The following FREM2 variants were observed in gnomAD, a reference collection of about 807,000 sequenced individuals.
FREM2 encodes FRAS1 related extracellular matrix 2, also known as FRAS1-related extracellular matrix protein 2.
Under a neutral mutation model 219.9 loss-of-function variants are expected in FREM2, and 119 were observed. That is an observed-to-expected ratio of 0.54 (90% CI 0.47 to 0.63). The LOEUF is 0.63. Ranked by LOEUF, FREM2 falls within the 30% of genes least tolerant of loss-of-function variation. FREM2 has a pLI of 0.00. For missense variants in FREM2, 4,030 were observed against 3,993.6 expected, an observed-to-expected ratio of 1.01 and a Z score of -0.25; for synonymous variants, 1,562 against 1,522.8, an observed-to-expected ratio of 1.03 and a Z score of -0.60.
At chr13:38,775,908 C>T (rs1873852400) in intron 4 of FREM2, among the ~76,000 whole-genome samples, 1 of 152,160 alleles carries the variant, frequency 6.6e-6, no homozygotes, top group African/African-American at 2.4e-5. Flanking sequence ...TGTGAGCCAC[C>T]ACACCTTGCC....
Position 38,690,207 on chromosome 13 carries a change from G to A in FREM2, c.2863G>A (p.Asp955Asn). 6 of 1,614,162 alleles carry A rather than the reference G, an allele frequency of 3.7e-6. No individual in the cohort carries two copies. Among genetic ancestry groups the A allele is most frequent in the Non-Finnish European group, 5.1e-6 (6 of 1,180,030 alleles). ...HPTGTLESYL[D>N]VLENGATEIT... is the part of the protein sequence containing the mutation. Reference sequence around the variant, plus strand: ...TACTGGCACTCTGGAGTCCTATCTAGATGTCTTAGAAAATGGGGCTACTGA... The same window carrying A: ...TACTGGCACTCTGGAGTCCTATCTAAATGTCTTAGAAAATGGGGCTACTGA... The change falls in exon 1 of 24, where the codon GAT (aspartate) becomes AAT (asparagine). Residue 955 changes from aspartate (D) to asparagine (N), a missense_variant. Physicochemically the swap from Asp to Asn is conservative, Grantham distance 23. Around this residue, in one of 2 missense-constraint regions of FREM2, gnomAD observed 3,102 missense variants for 2,950.7 expected, o/e 1.05. Coordinates refer to ENST00000280481, the MANE Select transcript of FREM2 (RefSeq NM_207361.6).
chr13:38,726,322 C>A (rs781610503), intron 2 of FREM2, among the ~76,000 whole-genome samples: 1 of 151,970 alleles, frequency 6.6e-6, no homozygotes, highest in Non-Finnish European at 1.5e-5. Context: ...AATGTCAGAG[C>A]CAGATAGAGG....
At chr13:38,877,357 A>T in intron 21 of FREM2, 114 bp downstream of exon 21, 1 of 1,183,054 alleles carries the variant, frequency 8.5e-7, no homozygotes, top group South Asian at 1.2e-5. Flanking sequence ...TGGTTTTGAG[A>T]ATGTAACTGG....
At chr13:38,854,713 G>A (rs1001858411) in intron 11 of FREM2, among the ~76,000 whole-genome samples, 1 of 152,098 alleles carries the variant, frequency 6.6e-6, no homozygotes, top group Non-Finnish European at 1.5e-5. Flanking sequence ...GATAGGAATA[G>A]TTGCTGTATC....
chr13:38,751,149 G>A (rs1438855004), intron 2 of FREM2, among the ~76,000 whole-genome samples: 1 of 149,568 alleles, frequency 6.7e-6, no homozygotes, highest in East Asian at 2.0e-4. Flanking sequence ...AATATTCTTT[G>A]AATATATACT....
rs1870210472 is a variant in FREM2, at chr13:38,698,572, A to G, written c.5263+785A>G. Among the ~76,000 whole-genome samples, 3 of 152,152 alleles carry G rather than the reference A, an allele frequency of 2.0e-5. No individual in the cohort carries two copies. The South Asian group carries it at 6.2e-4, about 32-fold the overall frequency. On this transcript the variant is annotated intron_variant, in intron 2 of 23. Coordinates refer to ENST00000280481, the MANE Select transcript of FREM2 (RefSeq NM_207361.6). ...TTTGTTCTTGCATGTTTTCTTTTGAAGCAAAAGAACCTCCCCTAGTACATG... is the reference window on the plus strand; with the variant it reads ...TTTGTTCTTGCATGTTTTCTTTTGAGGCAAAAGAACCTCCCCTAGTACATG...
At chr13:38,738,669 T>G (rs893692426) in intron 2 of FREM2, among the ~76,000 whole-genome samples, 1 of 151,570 alleles carries the variant, frequency 6.6e-6, no homozygotes, top group Non-Finnish European at 1.5e-5. Flanking sequence ...CTACAGATTT[T>G]AGAGTGATCT....
In FREM2 at chr13:38,807,063, A is replaced by G. The variant is rs746252523; in HGVS notation, c.6019+22255A>G. On this transcript the variant is annotated intron_variant, in intron 6 of 23. Transcript: ENST00000280481. Reference sequence around the variant, plus strand: ...CTAGCTCTCTTGCTTTTTTTGCCACATCTGTAGTTACTTCCTCCACTGAAG... The same window carrying G: ...CTAGCTCTCTTGCTTTTTTTGCCACGTCTGTAGTTACTTCCTCCACTGAAG... Among the ~76,000 whole-genome samples, 89 of 150,118 alleles carry G rather than the reference A, an allele frequency of 5.9e-4. 1 individual carries two copies. Among genetic ancestry groups the G allele is most frequent in the Non-Finnish European group, 8.9e-5 (6 of 67,590 alleles).
intron 6 of FREM2, among the ~76,000 whole-genome samples, chr13:38,812,189 A>G (rs189322940): frequency 6.6e-6 from 1 of 151,998 alleles, no homozygotes; most frequent in African/African-American, 2.4e-5. Flanking sequence ...GTGTATCTTT[A>G]TAAGTGAAGT....
chr13:38,784,891 C>G, intron 6 of FREM2, 83 bp downstream of exon 6: 1 of 1,431,206 alleles, frequency 7.0e-7, no homozygotes, highest in Non-Finnish European at 9.7e-7. Flanking sequence ...AAATGGGAAT[C>G]TAAAACAATG....
At chr13:38,839,218 C>T (rs1489606483) in intron 6 of FREM2, among the ~76,000 whole-genome samples, 1 of 152,204 alleles carries the variant, frequency 6.6e-6, no homozygotes, top group Non-Finnish European at 1.5e-5. Context: ...AGTCAGGTCC[C>T]TCTTCTGCAG....
intron 8 of FREM2, among the ~76,000 whole-genome samples, chr13:38,849,305 C>T (rs1021301722): frequency 1.3e-5 from 2 of 152,166 alleles, no homozygotes; most frequent in African/African-American, 4.8e-5. Context: ...CTTGATTGTG[C>T]CTCAAGAATT....
chr13:38,811,120 CACTA>C (rs1875458138), intron 6 of FREM2, among the ~76,000 whole-genome samples: 1 of 151,952 alleles, frequency 6.6e-6, no homozygotes, highest in Non-Finnish European at 1.5e-5. Flanking sequence ...TACTCATAGT[CACTA>C]ATGATCCTTT....
chr13:38,779,508 C>T (rs1045710449), intron 4 of FREM2: 3 of 152,052 alleles, frequency 2.0e-5, no homozygotes, highest in Non-Finnish European at 4.4e-5. Context: ...TGAAGCGTTT[C>T]GTATTTTTGC....
chr13:38,781,800 G>A (rs984939113), intron 4 of FREM2, among the ~76,000 whole-genome samples: 6 of 152,134 alleles, frequency 3.9e-5, no homozygotes, highest in African/African-American at 1.4e-4. Context: ...AAAATGCTTC[G>A]AGGCTAATGA....
chr13:38,742,755 C>T (rs1166603473), intron 2 of FREM2, among the ~76,000 whole-genome samples: 1 of 152,170 alleles, frequency 6.6e-6, no homozygotes, highest in Admixed American at 6.5e-5. Flanking sequence ...ACCTTGTCTT[C>T]AGTACACTAC....
intron 8 of FREM2, among the ~76,000 whole-genome samples, chr13:38,849,395 C>A (rs1388634500): frequency 6.6e-6 from 1 of 152,202 alleles, no homozygotes; most frequent in Non-Finnish European, 1.5e-5. Context: ...CTTCACAGCA[C>A]AAGACACTTT....
At chr13:38,754,557 C>T (rs143516176) in intron 2 of FREM2, among the ~76,000 whole-genome samples, 31 of 152,266 alleles carry the variant, frequency 2.0e-4, no homozygotes, top group African/African-American at 7.5e-4. Context: ...TTTAATCTGA[C>T]ACTGATTTAC....
chr13:38,691,470 G>A lies in FREM2; in HGVS notation c.4126G>A (p.Asp1376Asn). 1 of 1,614,142 alleles carries A rather than the reference G, an allele frequency of 6.2e-7. No homozygotes were observed. Among genetic ancestry groups the A allele is most frequent in the South Asian group, 1.1e-5 (1 of 91,070 alleles). Reference protein sequence around the residue: ...LGMNFTQDEVDRNLIQYVHLG... With the variant: ...LGMNFTQDEVNRNLIQYVHLG... ...CATGAATTTTACCCAGGATGAAGTA[G>A]ACAGAAACTTAATTCAGTATGTCCA... Residue 1376 changes from aspartate to asparagine, a missense_variant, in exon 1 of 24, where the codon GAC becomes AAC. Transcript: ENST00000280481.
Sources: allele counts gnomAD v4.1 joint callset (sites outside exome capture counted in the v4.1 genomes callset), GRCh38; gene constraint gnomAD v4.1.1; regional missense constraint gnomAD v4.1.1; transcripts MANE v1.5; gene names NCBI Gene and HGNC (gene_info 2026-07-23, HGNC 2026-07-21).